Variants in NTRK3 observed in about 807,000 individuals in gnomAD.
The protein encoded by NTRK3 is neurotrophic receptor tyrosine kinase 3, also known as NT-3 growth factor receptor.
A neutral mutation model predicts 91.7 loss-of-function variants in NTRK3; 24 were observed. The ratio of observed to expected loss-of-function variants is 0.26; its 90% CI spans 0.19 to 0.37. The LOEUF (loss-of-function observed/expected upper bound fraction) is 0.37, where lower values mean the gene tolerates loss of function less well. Among genes scored for constraint, NTRK3 ranks in the 10% least tolerant of loss-of-function variants. The pLI, the probability that NTRK3 is intolerant of heterozygous loss-of-function variation, is 1.00. For missense variants in NTRK3, 880 were observed against 1,068.9 expected (o/e 0.82, Z 2.46); for synonymous variants, 483 against 404.0 (o/e 1.20, Z -2.34).
chr15:87,941,711 C>T (rs536809364), intron 14 of NTRK3, among the ~76,000 whole-genome samples: 1 of 152,306 alleles, frequency 6.6e-6, no homozygotes, highest in African/African-American at 2.4e-5. Flanking sequence ...AGAAGGGTTG[C>T]CCCTGCCTCT....
intron 13 of NTRK3, among the ~76,000 whole-genome samples, chr15:88,035,272 C>G (rs1006051056): frequency 6.6e-6 from 1 of 152,088 alleles, no homozygotes; most frequent in Admixed American, 6.5e-5. Context: ...AGGCTCCAGG[C>G]GGGAACAAGG....
At chr15:88,173,774 C>T (rs1283714441) in intron 5 of NTRK3, among the ~76,000 whole-genome samples, 3 of 152,216 alleles carry the variant, frequency 2.0e-5, no homozygotes, top group Non-Finnish European at 2.9e-5. Flanking sequence ...CAAGGCTGAC[C>T]AGAGTTGGCC....
exon 19 of NTRK3, chr15:87,875,535 C>T (rs2064925482): frequency 4.3e-6 from 1 of 232,758 alleles, no homozygotes; most frequent in Non-Finnish European, 8.5e-6. Flanking sequence ...TTGGACATCT[C>T]CCAGAGAAGC....
At chr15:88,081,434 C>T (rs1366612820) in intron 13 of NTRK3, among the ~76,000 whole-genome samples, 1 of 152,232 alleles carries the variant, frequency 6.6e-6, no homozygotes, top group Non-Finnish European at 1.5e-5. Flanking sequence ...CACTGACCGA[C>T]CATGTTTCCC....
chr15:88,157,348 G>A (rs74027779), intron 5 of NTRK3, among the ~76,000 whole-genome samples: 2,904 of 151,850 alleles, frequency 0.019, 85 homozygotes, highest in African/African-American at 0.064. Context: ...TCTTCTTAGG[G>A]GGTCTGAGGA....
chr15:88,111,730 TCA>T (rs2051378719), intron 13 of NTRK3, among the ~76,000 whole-genome samples: 1 of 152,184 alleles, frequency 6.6e-6, no homozygotes. Context: ...TCTGTGAATC[TCA>T]GTTTTCTCAT....
intron 5 of NTRK3, among the ~76,000 whole-genome samples, chr15:88,147,883 C>G (rs2043027592): frequency 6.6e-6 from 1 of 152,216 alleles, no homozygotes; most frequent in African/African-American, 2.4e-5. Context: ...ATCAAGACAT[C>G]AGCCTTTTGT....
intron 13 of NTRK3, among the ~76,000 whole-genome samples, chr15:88,122,715 T>G (rs986255257): frequency 6.6e-6 from 1 of 152,166 alleles, no homozygotes; most frequent in Non-Finnish European, 1.5e-5. Flanking sequence ...CACCTGGCCC[T>G]CAGATGTGGA....
intron 14 of NTRK3, among the ~76,000 whole-genome samples, chr15:88,031,409 G>A (rs1169671416): frequency 6.6e-6 from 1 of 152,186 alleles, no homozygotes; most frequent in Non-Finnish European, 1.5e-5. Context: ...ACCATAGAAG[G>A]TCCTTCCTCC....
At position 87,873,026 on chromosome 15, in the gene NTRK3, C is replaced by T. The variant is rs191263018; in HGVS notation, c.*3909G>A. 2.0e-3 allele frequency: 457 copies of T among 233,066 alleles called. 1 individual carries two copies. Among genetic ancestry groups the T allele is most frequent in the African/African-American group, 9.1e-3 (413 of 45,432 alleles). 14.4% of individuals were successfully genotyped at this position (233,066 alleles called of 1,614,324 possible). On this transcript the variant is annotated 3_prime_UTR_variant, in exon 19 of 19. Coordinates refer to ENST00000394480, the Ensembl canonical transcript of NTRK3. ...ACTTCCAATGCACCCTGTACTCTCC[C>T]GGCATGGCTGACTCACTTCTACTTC...
At chr15:87,911,024 G>C (rs952435120) in intron 17 of NTRK3, among the ~76,000 whole-genome samples, 19 of 152,290 alleles carry the variant, frequency 1.2e-4, no homozygotes, top group Admixed American at 1.2e-3. Flanking sequence ...AGAAGGGATA[G>C]AAAGGTCAAA....
At chr15:87,965,947 G>A (rs1016793745) in intron 14 of NTRK3, among the ~76,000 whole-genome samples, 4 of 151,808 alleles carry the variant, frequency 2.6e-5, no homozygotes, top group Non-Finnish European at 4.4e-5. Flanking sequence ...GTGTGGTGGC[G>A]GGCACCTGTA....
intron 14 of NTRK3, among the ~76,000 whole-genome samples, chr15:88,008,146 A>T (rs1362835140): frequency 1.3e-5 from 2 of 152,224 alleles, no homozygotes; most frequent in East Asian, 3.8e-4. Context: ...GAAGAAAAAG[A>T]GCAGAATCCT....
chr15:88,154,741 G>C (rs1306968197), intron 5 of NTRK3, among the ~76,000 whole-genome samples: 3 of 152,138 alleles, frequency 2.0e-5, no homozygotes, highest in Non-Finnish European at 4.4e-5. Flanking sequence ...GGAATCTGAG[G>C]TCTGCAATAT....
intron 17 of NTRK3, among the ~76,000 whole-genome samples, chr15:87,887,488 T>C (rs376110066): frequency 6.6e-6 from 1 of 152,194 alleles, no homozygotes; most frequent in Non-Finnish European, 1.5e-5. Flanking sequence ...CCATTGAGCA[T>C]CGTTAAGTGC....
intron 13 of NTRK3, among the ~76,000 whole-genome samples, chr15:88,108,596 T>C (rs1453208486): frequency 6.6e-6 from 1 of 152,172 alleles, no homozygotes; most frequent in Admixed American, 6.5e-5. Flanking sequence ...CCTCCAATTA[T>C]AGAGGATAAA....
intron 14 of NTRK3, among the ~76,000 whole-genome samples, chr15:87,999,959 A>C (rs16941123): frequency 0.012 from 1,803 of 152,340 alleles, 32 homozygotes; most frequent in African/African-American, 0.041. Context: ...TAGGGATCTG[A>C]GAGTACAGGG....
intron 14 of NTRK3, among the ~76,000 whole-genome samples, chr15:87,957,602 G>A (rs2071804191): frequency 6.6e-6 from 1 of 150,884 alleles, no homozygotes; most frequent in Non-Finnish European, 1.5e-5. Flanking sequence ...GGAAAATAGA[G>A]TGGCTACACT....
At chr15:88,017,626 G>T (rs2077327629) in intron 14 of NTRK3, among the ~76,000 whole-genome samples, 1 of 152,132 alleles carries the variant, frequency 6.6e-6, no homozygotes, top group South Asian at 2.1e-4. Context: ...GTGAAGGGAG[G>T]GGGGACCATC....
Sources: gnomAD v4.1 joint callset for allele counts (sites outside exome capture counted in the v4.1 genomes callset) on GRCh38, gnomAD v4.1.1 for gene constraint, MANE v1.5 for transcripts, NCBI Gene and HGNC (gene_info 2026-07-23, HGNC 2026-07-21) for gene names.